Variants in SNX5 observed in about 807,000 individuals in gnomAD.
The protein encoded by SNX5 is sorting nexin-5.
SNX5 carries 31 observed loss-of-function variants against 53.9 expected under a neutral mutation model. The observed-to-expected ratio is 0.58, with a 90% confidence interval of 0.43 to 0.78. The LOEUF (loss-of-function observed/expected upper bound fraction) is 0.78, where lower values mean the gene tolerates loss of function less well. SNX5 is among the 30% of genes least tolerant of loss of function. The pLI is 0.00. For missense variants in SNX5, 471 were observed against 478.8 expected (o/e 0.98, Z 0.15); for synonymous variants, 168 against 171.1 (o/e 0.98, Z 0.14).
chr20:17,960,963 T>C (rs977119382), intron 1 of SNX5, among the ~76,000 whole-genome samples: 43 of 152,204 alleles, frequency 2.8e-4, no homozygotes, highest in African/African-American at 1.0e-3. Context: ...TGTACTTCCC[T>C]ACCAGGTCAA....
chr20:17,964,394 G>A (rs1337581679), intron 1 of SNX5, among the ~76,000 whole-genome samples: 2 of 152,136 alleles, frequency 1.3e-5, no homozygotes, highest in Non-Finnish European at 2.9e-5. Flanking sequence ...AAAAAGAAGA[G>A]TCAAGCCAAG....
intron 1 of SNX5, among the ~76,000 whole-genome samples, chr20:17,960,755 C>A (rs1275003833): frequency 3.1e-5 from 4 of 128,058 alleles, no homozygotes; most frequent in Non-Finnish European, 4.8e-5. Context: ...TCAGCCTGGG[C>A]AACAGAGCGA....
chr20:17,949,494 T>C (rs1418839935), intron 8 of SNX5, among the ~76,000 whole-genome samples: 1 of 152,196 alleles, frequency 6.6e-6, no homozygotes, highest in Non-Finnish European at 1.5e-5. Flanking sequence ...AGAAGTAGTA[T>C]CACCTGTTTT....
chr20:17,957,459 T>TA (rs999417272), intron 1 of SNX5, among the ~76,000 whole-genome samples: 7 of 150,954 alleles, frequency 4.6e-5, no homozygotes, highest in African/African-American at 1.7e-4. Flanking sequence ...AATTAAAAAT[T>TA]AAAAAAAAGA....
chr20:17,954,700 G>A (rs2035324199), intron 3 of SNX5, among the ~76,000 whole-genome samples: 1 of 152,104 alleles, frequency 6.6e-6, no homozygotes, highest in Admixed American at 6.6e-5. Flanking sequence ...GCTGAAAACT[G>A]CCTCCTTGAG....
chr20:17,961,519 T>C (rs767499201), intron 1 of SNX5: 106 of 984,928 alleles, frequency 1.1e-4, no homozygotes, highest in Non-Finnish European at 1.3e-4. Flanking sequence ...TTAAATCTAA[T>C]AGTCATTTGT....
chr20:17,953,762 A>T (rs2035305941), intron 4 of SNX5, among the ~76,000 whole-genome samples: 1 of 152,228 alleles, frequency 6.6e-6, no homozygotes, highest in South Asian at 2.1e-4. Context: ...GGGAAAAGAC[A>T]ACTACTCTAT....
chr20:17,962,678 C>T (rs755417267), intron 1 of SNX5: 9 of 512,094 alleles, frequency 1.8e-5, no homozygotes, highest in South Asian at 7.1e-5. Flanking sequence ...ACTCAGGCAT[C>T]GGCTTAATAA....
chr20:17,968,277 G>T (rs746175440), intron 1 of SNX5, 98 bp downstream of exon 1: 13 of 1,039,316 alleles, frequency 1.3e-5, no homozygotes, highest in African/African-American at 1.7e-5. Context: ...GGATGGCGGC[G>T]AGCAGCCACG....
At position 17,947,659 on chromosome 20, in the gene SNX5, T is replaced by A. The variant is rs1278240567; in HGVS notation, c.919-14A>T. The A allele has an allele frequency of 6.2e-7, 1 of 1,608,194 alleles. No homozygotes were observed. Among genetic ancestry groups the A allele is most frequent in the Non-Finnish European group, 8.5e-7 (1 of 1,178,002 alleles). ...GTATAAGAGATCCTGGGAAAAAAATTAACAGGTATACATACTAAGTATCTA... is the reference window on the plus strand; with the variant it reads ...GTATAAGAGATCCTGGGAAAAAAATAAACAGGTATACATACTAAGTATCTA... On this transcript the variant is annotated splice_polypyrimidine_tract_variant and intron_variant, in intron 10 of 12. Transcript: ENST00000377759.
rs1459102793 is a variant in SNX5 at position 17,968,626 on chromosome 20, C to T, written c.-201G>A. On this transcript the variant is annotated 5_prime_UTR_variant, in exon 1 of 13. Transcript: ENST00000377759. The stretch of plus-strand genomic sequence containing the variant: ...GAGCAGGCGAGCAGGGCGCCACGTG[C>T]TCCCCCAGAGCAGCCTCCCAGTCCC... The T allele has an allele frequency of 3.2e-6, 2 of 624,338 alleles. No individual in the cohort carries two copies. The highest frequency in any genetic ancestry group is 5.8e-6 in the Non-Finnish European group (2 of 347,340). The allele number at this position is 624,338 out of a possible 1,614,324, so 38.7% of individuals were successfully genotyped here.
At chr20:17,964,234 A>C (rs982120) in intron 1 of SNX5, among the ~76,000 whole-genome samples, 87,466 of 152,028 alleles carry the variant, frequency 0.58, 25,585 homozygotes, top group African/African-American at 0.68. Flanking sequence ...GAAAACCCTG[A>C]CAAGGGAGCC....
chr20:17,947,847 A>C (rs775295896), intron 10 of SNX5, among the ~76,000 whole-genome samples: 1 of 152,172 alleles, frequency 6.6e-6, no homozygotes, highest in Non-Finnish European at 1.5e-5. Context: ...AGAATTCCTT[A>C]TATGAATCAA....
chr20:17,943,868 GA>G (rs2039450642), intron 11 of SNX5: 3 of 152,222 alleles, frequency 2.0e-5, no homozygotes, highest in African/African-American at 7.2e-5. Flanking sequence ...AAAAGGAACT[GA>G]AATCAGTATC....
Position 17,951,547 on chromosome 20 carries a change from T to G in SNX5, c.562A>C (p.Lys188Gln), listed in dbSNP as rs774777225. ...TCATCAGCACTTTTCACCACACTTT[T>G]GAAGAAGCCACCAAACATCTCTTTA... ...NTKEMFGGFF[K>Q]SVVKSADEVL... Residue 188 changes from lysine to glutamine, a missense_variant, in exon 6 of 13, where the codon AAA (lysine) becomes CAA (glutamine). Transcript: ENST00000377759. 1 of 1,612,528 alleles carries G rather than the reference T, an allele frequency of 6.2e-7. No individual in the cohort carries two copies. The highest frequency in any genetic ancestry group is 1.1e-5 in the South Asian group (1 of 91,014).
rs990631477 is a variant in SNX5 at position 17,968,743 on chromosome 20, A to T, written c.-318T>A. Reference sequence around the variant, plus strand: ...GGAGGCCGCCAACCGCAGGGCCGCGACACGGACGGGAAGCAACGGACACTC... The same window carrying T: ...GGAGGCCGCCAACCGCAGGGCCGCGTCACGGACGGGAAGCAACGGACACTC... On this transcript the variant is annotated 5_prime_UTR_variant, in exon 1 of 13. Transcript: ENST00000377759. The T allele has an allele frequency of 1.0e-5, 4 of 398,064 alleles. No homozygotes were observed. The highest frequency in any genetic ancestry group is 1.8e-5 in the Non-Finnish European group (4 of 216,784). The allele number at this position is 398,064 out of a possible 1,614,324, so 24.7% of individuals were successfully genotyped here. A position where few individuals can be genotyped will look rare whatever the true frequency, so the allele number is the denominator to read the frequency against.
rs543555135 is a variant in SNX5, at chr20:17,950,958, T to C, written c.609+542A>G. 4.9e-4 allele frequency: 77 copies of C among 158,466 alleles called. No individual in the cohort carries two copies. The South Asian group carries it at 0.014, about 29-fold the overall frequency. 9.8% of individuals were successfully genotyped at this position (158,466 alleles called of 1,614,324 possible). The stretch of plus-strand genomic sequence containing the variant: ...GGCAAAGCCAGATACCAGACAGTAA[T>C]TGTAAGGGTAACTCAGTTACAAAGG... On this transcript the variant is annotated intron_variant, in intron 6 of 12. Transcript: ENST00000377759.
intron 11 of SNX5, 121 bp downstream of exon 11, chr20:17,947,365 G>T: frequency 1.9e-6 from 2 of 1,028,430 alleles, no homozygotes; most frequent in East Asian, 2.5e-5. Context: ...ATAAGGCAGA[G>T]GGGTGAAGTG....
intron 5 of SNX5, among the ~76,000 whole-genome samples, chr20:17,952,163 C>A (rs1213508437): frequency 6.6e-6 from 1 of 152,124 alleles, no homozygotes; most frequent in Non-Finnish European, 1.5e-5. Context: ...GTGGAGCTTG[C>A]AGTAAGCCGA....
Sources: gnomAD v4.1 joint callset for allele counts (sites outside exome capture counted in the v4.1 genomes callset) on GRCh38, gnomAD v4.1.1 for gene constraint, MANE v1.5 for transcripts, NCBI Gene and HGNC (gene_info 2026-07-23, HGNC 2026-07-21) for gene names.